NALF1: variants seen among roughly 807,000 people sequenced by gnomAD.
NALF1 encodes the protein NALCN channel auxiliary factor 1.
In NALF1, 3 loss-of-function variants were observed where a neutral mutation model predicts 48.4. The ratio of observed to expected loss-of-function variants is 0.06; its 90% CI spans 0.03 to 0.16. The LOEUF (loss-of-function observed/expected upper bound fraction) is 0.16, where lower values mean the gene tolerates loss of function less well. Among genes scored for constraint, NALF1 ranks in the 10% least tolerant of loss-of-function variants. The pLI is 1.00. For missense variants in NALF1, 526 were observed against 571.5 expected, an observed-to-expected ratio of 0.92 and a Z score of 0.81; for synonymous variants, 262 against 245.7, an observed-to-expected ratio of 1.07 and a Z score of -0.62.
At chr13:107,579,116 G>A (rs1161970185) in intron 1 of NALF1, among the ~76,000 whole-genome samples, 2 of 152,150 alleles carry the variant, frequency 1.3e-5, no homozygotes, top group East Asian at 3.9e-4. Flanking sequence ...TTTTGAGACA[G>A]AGTCTCACTT....
intron 1 of NALF1, among the ~76,000 whole-genome samples, chr13:107,570,852 C>T (rs191804790): frequency 9.9e-5 from 15 of 151,806 alleles, no homozygotes; most frequent in African/African-American, 3.4e-4. Context: ...CAGCTATATC[C>T]TTTGCACTAA....
At chr13:107,281,877 G>A (rs2138873405) in intron 1 of NALF1, among the ~76,000 whole-genome samples, 1 of 152,254 alleles carries the variant, frequency 6.6e-6, no homozygotes, top group South Asian at 2.1e-4. Flanking sequence ...GATCTTATGA[G>A]AATTCACTCA....
At chr13:107,422,697 A>G (rs1884209716) in intron 1 of NALF1, among the ~76,000 whole-genome samples, 1 of 152,190 alleles carries the variant, frequency 6.6e-6, no homozygotes, top group Admixed American at 6.5e-5. Flanking sequence ...GACAGCTTAC[A>G]TGGCAAATGG....
chr13:107,545,701 G>A (rs979493185), intron 1 of NALF1, among the ~76,000 whole-genome samples: 43 of 152,098 alleles, frequency 2.8e-4, no homozygotes, highest in African/African-American at 8.7e-4. Flanking sequence ...AATGGGAAGA[G>A]GTGGCTGTGA....
chr13:107,271,797 TATATATATATA>T (rs1442713751), intron 1 of NALF1, among the ~76,000 whole-genome samples: 1 of 134,406 alleles, frequency 7.4e-6, no homozygotes, highest in African/African-American at 2.9e-5. Context: ...TATATATATA[TATATATATATA>T]TATATATATT....
At chr13:107,526,355 C>A (rs1216863953) in intron 1 of NALF1, among the ~76,000 whole-genome samples, 2 of 152,112 alleles carry the variant, frequency 1.3e-5, no homozygotes, top group African/African-American at 2.4e-5. Flanking sequence ...AATATATGTA[C>A]CTCTTTCTGA....
chr13:107,435,393 T>G (rs1594061574), intron 1 of NALF1, among the ~76,000 whole-genome samples: 1 of 151,996 alleles, frequency 6.6e-6, no homozygotes. Context: ...CCACTTGAGG[T>G]GTTTTCCTTC....
intron 1 of NALF1, among the ~76,000 whole-genome samples, chr13:107,495,924 C>G (rs1342452791): frequency 6.6e-6 from 1 of 151,822 alleles, no homozygotes; most frequent in Non-Finnish European, 1.5e-5. Flanking sequence ...TTTGAAGAGG[C>G]AAGGAGACTT....
intron 1 of NALF1, among the ~76,000 whole-genome samples, chr13:107,328,647 G>A (rs1291601392): frequency 6.6e-6 from 1 of 152,088 alleles, no homozygotes; most frequent in Non-Finnish European, 1.5e-5. Context: ...ATAGTACAAT[G>A]CCTCAATCAA....
At chr13:107,805,982 C>T (rs7330011) in intron 1 of NALF1, among the ~76,000 whole-genome samples, 49,056 of 152,128 alleles carry the variant, frequency 0.32, 10,566 homozygotes, top group African/African-American at 0.61. Context: ...TTCTTACTGT[C>T]ATTCATAGTT....
intron 1 of NALF1, among the ~76,000 whole-genome samples, chr13:107,440,506 A>G (rs1418246222): frequency 6.6e-6 from 1 of 152,154 alleles, no homozygotes; most frequent in Non-Finnish European, 1.5e-5. Flanking sequence ...AGCAGAAGAC[A>G]TTTTTTAAAG....
intron 1 of NALF1, among the ~76,000 whole-genome samples, chr13:107,759,521 T>A (rs1439301258): frequency 6.6e-6 from 1 of 152,194 alleles, no homozygotes; most frequent in African/African-American, 2.4e-5. Context: ...TGTCTCTGAA[T>A]TCTTGCAAAT....
At chr13:107,563,170 A>G (rs1877695441) in intron 1 of NALF1, among the ~76,000 whole-genome samples, 1 of 152,230 alleles carries the variant, frequency 6.6e-6, no homozygotes, top group Non-Finnish European at 1.5e-5. Context: ...AGGAGAAAAC[A>G]CTTTTGCCGC....
intron 1 of NALF1, among the ~76,000 whole-genome samples, chr13:107,339,864 T>C (rs747825687): frequency 4.6e-5 from 7 of 152,210 alleles, no homozygotes; most frequent in Non-Finnish European, 1.0e-4. Flanking sequence ...CTGTGAGCAA[T>C]AGAAATGTTA....
chr13:107,409,264 T>A (rs1461567049), intron 1 of NALF1, among the ~76,000 whole-genome samples: 2 of 152,182 alleles, frequency 1.3e-5, no homozygotes, highest in Non-Finnish European at 2.9e-5. Context: ...CCAGGCTCTA[T>A]GCTAGATGTT....
At chr13:107,772,775 A>G (rs1230559367) in intron 1 of NALF1, among the ~76,000 whole-genome samples, 1 of 152,156 alleles carries the variant, frequency 6.6e-6, no homozygotes, top group Admixed American at 6.5e-5. Context: ...AGCTCTGAGA[A>G]GCTTAGGTTC....
At chr13:107,206,731 C>T (rs928607261) in intron 2 of NALF1, among the ~76,000 whole-genome samples, 2 of 152,168 alleles carry the variant, frequency 1.3e-5, no homozygotes, top group Non-Finnish European at 2.9e-5. Flanking sequence ...AAAGGAATCA[C>T]CATGCCACTG....
Position 107,400,659 on chromosome 13 carries a change from G to A in NALF1, c.916-189904C>T, listed in dbSNP as rs753611242. ...TCAGAGGTTGCAGTGAGCCAAGATC[G>A]TGCCACTGCACTCCAGCCTGGGTGA... is the stretch of plus-strand genomic sequence containing the variant. On this transcript the variant is annotated intron_variant, in intron 1 of 2. Coordinates refer to ENST00000375915, the MANE Select transcript of NALF1 (RefSeq NM_001080396.3). Among the ~76,000 whole-genome samples the A allele has an allele frequency of 6.6e-5, 10 of 152,106 alleles. No homozygotes were observed. The East Asian group carries it at 9.7e-4, about 15-fold the overall frequency.
intron 1 of NALF1, among the ~76,000 whole-genome samples, chr13:107,266,384 T>C (rs1224286412): frequency 6.6e-6 from 1 of 152,244 alleles, no homozygotes; most frequent in Non-Finnish European, 1.5e-5. Flanking sequence ...GTGCTCTGTG[T>C]ACACCCCACC....
Sources: gnomAD v4.1 joint callset for allele counts (sites outside exome capture counted in the v4.1 genomes callset) on GRCh38, gnomAD v4.1.1 for gene constraint, MANE v1.5 for transcripts, NCBI Gene and HGNC (gene_info 2026-07-23, HGNC 2026-07-21) for gene names.